CDADC1: variants seen among roughly 807,000 people sequenced by gnomAD.
CDADC1 encodes dCTP deaminase.
In CDADC1, 39 loss-of-function variants were observed where a neutral mutation model predicts 54.9. The observed-to-expected ratio is 0.71, with a 90% CI of 0.55 to 0.93. The LOEUF (loss-of-function observed/expected upper bound fraction) is 0.93, where lower values mean the gene tolerates loss of function less well. CDADC1 is among the 40% of genes least tolerant of loss of function. The probability of loss-of-function intolerance (pLI) is 0.00; values close to 1 mark genes in which losing one functional copy is unlikely to be tolerated. For synonymous variants in CDADC1, 186 were observed against 204.0 expected, an observed-to-expected ratio of 0.91 and a Z score of 0.75; for missense variants, 518 against 618.8, an observed-to-expected ratio of 0.84 and a Z score of 1.73.
At chr13:49,282,236 G>GGT (rs1555315245) in intron 8 of CDADC1, among the ~76,000 whole-genome samples, 1,301 of 94,102 alleles carry the variant, frequency 0.014, 53 homozygotes, top group East Asian at 0.066. Context: ...GTTTTTGTGG[G>GGT]TTTTTTTTTT....
rs1174553565 is a variant in CDADC1 at position 49,292,647 on chromosome 13, C to T, written c.*890C>T. 1 of 1,190,470 alleles carries T rather than the reference C, an allele frequency of 8.4e-7. No individual in the cohort carries two copies. The highest frequency in any genetic ancestry group is 1.1e-6 in the Non-Finnish European group (1 of 944,910). 73.7% of individuals were successfully genotyped at this position (1,190,470 alleles called of 1,614,324 possible). ...CATTTGCCAACCTCAAGAATAAATA[C>T]TGAAAGTCTTGAAAGTATGGTCATT... On this transcript the variant is annotated 3_prime_UTR_variant, in exon 10 of 10. Transcript: ENST00000251108.
Position 49,274,308 on chromosome 13 carries a change from G to A in CDADC1, c.1018G>A (p.Val340Ile). The A allele has an allele frequency of 1.2e-6, 2 of 1,610,772 alleles. No individual in the cohort carries two copies. The highest frequency in any genetic ancestry group is 1.7e-6 in the Non-Finnish European group (2 of 1,177,532). Residue 340 changes from valine (V) to isoleucine (I), a missense_variant, in exon 6 of 10, where the codon GTT becomes ATT. Coordinates refer to ENST00000251108, the MANE Select transcript of CDADC1 (RefSeq NM_030911.4). The stretch of plus-strand genomic sequence containing the variant: ...TCTTTCAGAGGATCATAAAACAGGA[G>A]TTGGGGCAGTCATTTGGGCAGAAGG... ...AYRTEDHKTGVGAVIWAEGKS... is the reference protein window; with the variant it reads ...AYRTEDHKTGIGAVIWAEGKS...
At chr13:49,251,074 A>G (rs962307861) in intron 2 of CDADC1, among the ~76,000 whole-genome samples, 1 of 152,078 alleles carries the variant, frequency 6.6e-6, no homozygotes, top group African/African-American at 2.4e-5. Context: ...TTCAGATAAA[A>G]TTTATTTTGA....
At chr13:49,267,343 C>T in intron 4 of CDADC1, 147 bp from the exon 5 acceptor site, 1 of 697,714 alleles carries the variant, frequency 1.4e-6, no homozygotes, top group African/African-American at 1.8e-5. Context: ...AGTTTGCCAA[C>T]CCTCAGGCTA....
At chr13:49,255,966 A>G in intron 3 of CDADC1, 53 bp downstream of exon 3, 2 of 1,586,930 alleles carry the variant, frequency 1.3e-6, no homozygotes, top group Non-Finnish European at 1.7e-6. Flanking sequence ...AGCAAAAGGA[A>G]TAGTATAAAG....
Position 49,256,014 on chromosome 13 carries a change from T to A in CDADC1, c.252+101T>A, listed in dbSNP as rs554594326. ...GCCTCCATTTCTACTATCAAGGGAG[T>A]TTTTAAAATACTCTTCTAAAAATGG... On this transcript the variant is annotated intron_variant, in intron 3 of 9. Coordinates refer to ENST00000251108, the MANE Select transcript of CDADC1 (RefSeq NM_030911.4). 74 of 1,456,764 alleles carry A rather than the reference T, an allele frequency of 5.1e-5. 2 individuals are homozygous for A. In the South Asian group the frequency reaches 9.5e-4, roughly 19 times the overall value. The allele number at this position is 1,456,764 out of a possible 1,614,324, so 90.2% of individuals were successfully genotyped here. A position where few individuals can be genotyped will look rare whatever the true frequency, so the allele number is the denominator to read the frequency against.
At chr13:49,253,220 A>G (rs1952473532) in intron 2 of CDADC1, among the ~76,000 whole-genome samples, 1 of 152,254 alleles carries the variant, frequency 6.6e-6, no homozygotes, top group African/African-American at 2.4e-5. Context: ...ATGAGTTACC[A>G]AAGTAATATA....
At chr13:49,253,522 A>C (rs1169653540) in intron 2 of CDADC1, among the ~76,000 whole-genome samples, 2 of 152,212 alleles carry the variant, frequency 1.3e-5, no homozygotes, top group Non-Finnish European at 2.9e-5. Flanking sequence ...TACTAGTTGT[A>C]TAACTTTGGG....
At chr13:49,249,348 T>A (rs1168107084) in intron 2 of CDADC1, among the ~76,000 whole-genome samples, 1 of 152,252 alleles carries the variant, frequency 6.6e-6, no homozygotes, top group Non-Finnish European at 1.5e-5. Context: ...ACCTAGCATA[T>A]ACCCTTTAGA....
At chr13:49,290,386 G>A (rs1208115147) in intron 9 of CDADC1, among the ~76,000 whole-genome samples, 4 of 151,768 alleles carry the variant, frequency 2.6e-5, no homozygotes, top group African/African-American at 9.7e-5. Context: ...TATTATGTAT[G>A]TATTATTATA....
intron 5 of CDADC1, among the ~76,000 whole-genome samples, chr13:49,269,674 C>T (rs1230069204): frequency 6.6e-6 from 1 of 152,232 alleles, no homozygotes; most frequent in African/African-American, 2.4e-5. Context: ...AGCTATAATT[C>T]ACTAATTACC....
chr13:49,274,072 G>A (rs1953036601), intron 5 of CDADC1, among the ~76,000 whole-genome samples: 1 of 152,178 alleles, frequency 6.6e-6, no homozygotes, highest in Non-Finnish European at 1.5e-5. Context: ...GTGTGACTGA[G>A]TTGGTAGTGA....
chr13:49,265,896 A>G, intron 4 of CDADC1: 1 of 1,303,194 alleles, frequency 7.7e-7, no homozygotes, highest in South Asian at 1.2e-5. Context: ...GGAAGCAGCT[A>G]AGATGCCTAG....
At chr13:49,267,059 G>A (rs1952832716) in intron 4 of CDADC1, among the ~76,000 whole-genome samples, 1 of 152,136 alleles carries the variant, frequency 6.6e-6, no homozygotes, top group African/African-American at 2.4e-5. Context: ...GAAAAGGCCA[G>A]ATAATAAATA....
At chr13:49,251,489 T>A (rs1302682197) in intron 2 of CDADC1, among the ~76,000 whole-genome samples, 1 of 151,912 alleles carries the variant, frequency 6.6e-6, no homozygotes, top group Non-Finnish European at 1.5e-5. Context: ...TTTGTAAATA[T>A]CCAGATGTGA....
Position 49,292,917 on chromosome 13 carries a change from T to G in CDADC1, c.*1160T>G. ...GGGCTTCCTACCAGTTTCTCAGAAT[T>G]ACACGCACGACCATCCAAACATTGG... On this transcript the variant is annotated 3_prime_UTR_variant, in exon 10 of 10. Transcript: ENST00000251108. The G allele has an allele frequency of 1.8e-6, 1 of 546,744 alleles. No individual in the cohort carries two copies. Among genetic ancestry groups the G allele is most frequent in the South Asian group, 1.9e-5 (1 of 51,748 alleles). 33.9% of individuals were successfully genotyped at this position (546,744 alleles called of 1,614,324 possible).
chr13:49,271,676 T>C lies in CDADC1; in HGVS notation c.1001-2615T>C, dbSNP rs146365754. 2.5e-3 allele frequency among the ~76,000 whole-genome samples: 373 copies of C among 152,044 alleles called. 3 individuals carry two copies. Among genetic ancestry groups the C allele is most frequent in the African/African-American group, 8.5e-3 (352 of 41,504 alleles). ...GATGCAAGAGGACTGTGGAGCACCT[T>C]GGACACTGACATGACCACAGGATTG... On this transcript the variant is annotated intron_variant, in intron 5 of 9. Coordinates refer to ENST00000251108, the MANE Select transcript of CDADC1 (RefSeq NM_030911.4).
chr13:49,255,053 T>C (rs922696464), intron 2 of CDADC1, among the ~76,000 whole-genome samples: 6 of 152,214 alleles, frequency 3.9e-5, no homozygotes, highest in Admixed American at 2.6e-4. Flanking sequence ...AAATGAGCCT[T>C]ACTGGGCTAA....
At chr13:49,281,426 G>C (rs1030351267) in intron 8 of CDADC1, among the ~76,000 whole-genome samples, 1 of 152,180 alleles carries the variant, frequency 6.6e-6, no homozygotes, top group African/African-American at 2.4e-5. Flanking sequence ...CACAGATGGG[G>C]TTATGGTTTT....
Sources: gnomAD v4.1 joint callset for allele counts (sites outside exome capture counted in the v4.1 genomes callset) on GRCh38, gnomAD v4.1.1 for gene constraint, MANE v1.5 for transcripts, NCBI Gene and HGNC (gene_info 2026-07-23, HGNC 2026-07-21) for gene names.